The following ADAMTSL1 variants were observed in gnomAD, a reference collection of about 807,000 sequenced individuals.
ADAMTSL1 encodes the protein ADAMTS-like protein 1.
A neutral mutation model predicts 201.8 loss-of-function variants in ADAMTSL1; 126 were observed. The observed-to-expected ratio is 0.62, with a 90% CI of 0.54 to 0.72. The LOEUF is 0.72. Ranked by LOEUF, ADAMTSL1 falls within the 30% of genes least tolerant of loss-of-function variation. The pLI, the probability that ADAMTSL1 is intolerant of heterozygous loss-of-function variation, is 0.00. For missense variants in ADAMTSL1, 2,679 were observed against 2,277.8 expected, an observed-to-expected ratio of 1.18 and a Z score of -3.59; for synonymous variants, 1,121 against 903.4, an observed-to-expected ratio of 1.24 and a Z score of -4.32.
intron 3 of ADAMTSL1, among the ~76,000 whole-genome samples, chr9:18,542,149 A>C (rs1219232073): frequency 3.9e-5 from 6 of 152,224 alleles, no homozygotes; most frequent in Non-Finnish European, 7.3e-5. Flanking sequence ...TTTTATAATG[A>C]ACACATATTC....
At chr9:18,192,474 G>A (rs1279536654) in intron 2 of ADAMTSL1, among the ~76,000 whole-genome samples, 6 of 152,110 alleles carry the variant, frequency 3.9e-5, no homozygotes, top group Non-Finnish European at 4.4e-5. Flanking sequence ...CCTACCATAT[G>A]TGTCTAATGT....
At chr9:18,284,371 G>A (rs938107504) in intron 2 of ADAMTSL1, among the ~76,000 whole-genome samples, 7 of 151,798 alleles carry the variant, frequency 4.6e-5, no homozygotes, top group South Asian at 2.1e-4. Context: ...TAGCATATTC[G>A]GTTTTAGCAG....
intron 2 of ADAMTSL1, among the ~76,000 whole-genome samples, chr9:18,368,388 G>T (rs889385230): frequency 3.3e-5 from 5 of 152,202 alleles, no homozygotes; most frequent in Non-Finnish European, 5.9e-5. Flanking sequence ...TGCCTTTGTA[G>T]AGATGCCTGC....
At chr9:18,291,302 A>G (rs894612322) in intron 2 of ADAMTSL1, among the ~76,000 whole-genome samples, 1 of 152,202 alleles carries the variant, frequency 6.6e-6, no homozygotes, top group African/African-American at 2.4e-5. Context: ...ATATTTATTC[A>G]TGAATAAGTC....
chr9:18,411,029 T>G (rs117899992), intron 2 of ADAMTSL1, among the ~76,000 whole-genome samples: 15,447 of 150,704 alleles, frequency 0.1, 1,114 homozygotes, highest in Non-Finnish European at 0.16. Context: ...TTGTTTGGTT[T>G]TTTTTTTGTA....
chr9:18,840,332 G>A (rs1588207213), intron 23 of ADAMTSL1, among the ~76,000 whole-genome samples: 2 of 152,152 alleles, frequency 1.3e-5, no homozygotes, highest in Admixed American at 6.5e-5. Context: ...GTTTGTCAAA[G>A]ATCAGATAGT....
At chr9:18,226,710 C>G (rs1174040807) in intron 2 of ADAMTSL1, among the ~76,000 whole-genome samples, 1 of 152,082 alleles carries the variant, frequency 6.6e-6, no homozygotes, top group Non-Finnish European at 1.5e-5. Context: ...CCCTCCTATT[C>G]CATTTGGTCA....
intron 2 of ADAMTSL1, among the ~76,000 whole-genome samples, chr9:18,199,453 T>C (rs1287162781): frequency 6.6e-6 from 1 of 152,050 alleles, no homozygotes; most frequent in Non-Finnish European, 1.5e-5. Flanking sequence ...CCATATTTAT[T>C]CAGAAGTGTT....
chr9:18,442,465 C>A (rs1820032872), intron 2 of ADAMTSL1, among the ~76,000 whole-genome samples: 1 of 152,094 alleles, frequency 6.6e-6, no homozygotes, highest in Non-Finnish European at 1.5e-5. Context: ...AAATTCAAAG[C>A]TGGGAGGCAC....
chr9:18,032,707 C>T (rs1016467720), intron 1 of ADAMTSL1, among the ~76,000 whole-genome samples: 29 of 152,340 alleles, frequency 1.9e-4, no homozygotes, highest in African/African-American at 6.7e-4. Context: ...CAAGCTCTTC[C>T]TCTACCTACT....
chr9:18,653,568 G>T (rs1332725388), intron 7 of ADAMTSL1, among the ~76,000 whole-genome samples: 2 of 150,156 alleles, frequency 1.3e-5, no homozygotes, highest in African/African-American at 4.9e-5. Flanking sequence ...TTGAGCTCAG[G>T]AGTTTGAGAC....
chr9:18,797,867 A>G (rs1822531198), intron 20 of ADAMTSL1, among the ~76,000 whole-genome samples: 1 of 152,208 alleles, frequency 6.6e-6, no homozygotes, highest in African/African-American at 2.4e-5. Flanking sequence ...GCTCTTCTAG[A>G]GTGAAACAAC....
intron 20 of ADAMTSL1, among the ~76,000 whole-genome samples, chr9:18,803,629 C>G (rs1822933060): frequency 6.6e-6 from 1 of 152,166 alleles, no homozygotes; most frequent in South Asian, 2.1e-4. Flanking sequence ...TGTTGCTAGA[C>G]TTTCTCACGA....
rs551284559 is a variant in ADAMTSL1, at chr9:18,055,864, T to C, written c.88-107998T>C. On this transcript the variant is annotated intron_variant, in intron 1 of 29. Coordinates refer to the ADAMTSL1 transcript ENST00000680146. Reference sequence around the variant, plus strand: ...CTGTCAAGGTTTAATATTCAAAATATGGGCTTGAAGCCCCTGTGAGGCCAA... The same window carrying C: ...CTGTCAAGGTTTAATATTCAAAATACGGGCTTGAAGCCCCTGTGAGGCCAA... Among the ~76,000 whole-genome samples the C allele has an allele frequency of 9.2e-5, 14 of 152,374 alleles. No homozygotes were observed. In the South Asian group the frequency reaches 2.9e-3, roughly 32 times the overall value.
intron 1 of ADAMTSL1, among the ~76,000 whole-genome samples, chr9:18,010,511 G>A (rs1429311519): frequency 6.6e-6 from 1 of 152,016 alleles, no homozygotes; most frequent in African/African-American, 2.4e-5. Context: ...AGAACAGGGA[G>A]AGATTAATTG....
At chr9:18,508,206 T>A (rs1158346672) in intron 2 of ADAMTSL1, among the ~76,000 whole-genome samples, 2 of 151,276 alleles carry the variant, frequency 1.3e-5, no homozygotes, top group East Asian at 1.9e-4. Context: ...AAAAAAAAAA[T>A]TCAGTTTTCT....
intron 2 of ADAMTSL1, among the ~76,000 whole-genome samples, chr9:18,235,208 C>A (rs1830798495): frequency 6.6e-6 from 1 of 152,096 alleles, no homozygotes; most frequent in Admixed American, 6.6e-5. Flanking sequence ...ATATTCATGA[C>A]CTTAACGATT....
intron 15 of ADAMTSL1, chr9:18,723,163 C>T (rs1208487827): frequency 1.4e-6 from 1 of 718,176 alleles, no homozygotes; most frequent in Non-Finnish European, 2.6e-6. Flanking sequence ...GCAAAGTGAA[C>T]TGGTTGTACC....
chr9:18,122,442 T>C (rs1407158800), intron 1 of ADAMTSL1, among the ~76,000 whole-genome samples: 1 of 152,138 alleles, frequency 6.6e-6, no homozygotes, highest in South Asian at 2.1e-4. Context: ...CCCAGGACTT[T>C]TGCTGTTTCT....
Sources: allele counts gnomAD v4.1 joint callset (sites outside exome capture counted in the v4.1 genomes callset), GRCh38; gene constraint gnomAD v4.1.1; transcripts MANE v1.5; gene names NCBI Gene and HGNC (gene_info 2026-07-23, HGNC 2026-07-21).